The following C4orf50 variants were observed in gnomAD, a reference collection of about 807,000 sequenced individuals.
C4orf50 encodes the protein chromosome 4 open reading frame 50, also known as uncharacterized protein C4orf50.
A neutral mutation model predicts 77.2 loss-of-function variants in C4orf50; 80 were observed. That is an observed-to-expected ratio of 1.04 (90% CI 0.87 to 1.25). C4orf50 has a LOEUF of 1.25. Among genes scored for constraint, C4orf50 ranks in the 50% most tolerant of loss-of-function variants. The pLI, the probability that C4orf50 is intolerant of heterozygous loss-of-function variation, is 0.00. For missense variants in C4orf50, 1,257 were observed against 1,152.9 expected (o/e 1.09, Z -1.31); for synonymous variants, 532 against 465.3 (o/e 1.14, Z -1.84).
chr4:5,977,780 C>A (rs1319511791), intron 29 of C4orf50, among the ~76,000 whole-genome samples: 1 of 152,190 alleles, frequency 6.6e-6, no homozygotes, highest in Non-Finnish European at 1.5e-5. Flanking sequence ...TTGGATTAAA[C>A]CTTCTGTCTG....
exon 28 of C4orf50, chr4:5,988,917 T>C (rs1721074653): frequency 1.3e-6 from 2 of 1,536,080 alleles, no homozygotes; most frequent in Non-Finnish European, 1.7e-6. Flanking sequence ...CCATCGTGTC[T>C]TTGGATTTCC....
At position 6,009,467 on chromosome 4, in the gene C4orf50, G is replaced by C. The variant is rs1181674803; in HGVS notation, c.427-935C>G. Among the ~76,000 whole-genome samples the C allele has an allele frequency of 6.6e-6, 1 of 152,194 alleles. No homozygotes were observed. Among genetic ancestry groups the C allele is most frequent in the Non-Finnish European group, 1.5e-5 (1 of 68,022 alleles). On this transcript the variant is annotated intron_variant, in intron 24 of 33. Coordinates refer to ENST00000531445, the Ensembl canonical transcript of C4orf50. The surrounding 1 kb of genome is among the most constrained non-coding windows in gnomAD (Gnocchi z 5.6). ...CAGACAAGCTTTGTTTGATAGTTTT[G>C]GGGAACGTGGGGCAGATAAAAGTCA...
chr4:5,945,469 T>C (rs1421148705), intron 7 of C4orf50, among the ~76,000 whole-genome samples: 2 of 152,190 alleles, frequency 1.3e-5, no homozygotes, highest in Non-Finnish European at 1.5e-5. Context: ...TCCGATTTCA[T>C]TGACAAACAT....
Position 6,018,224 on chromosome 4 carries a change from T to A in C4orf50, c.208A>T (p.Arg70Trp). 1 of 399,024 alleles carries A rather than the reference T, an allele frequency of 2.5e-6. No homozygotes were observed. Among genetic ancestry groups the A allele is most frequent in the East Asian group, 3.6e-5 (1 of 28,076 alleles). 24.7% of individuals were successfully genotyped at this position (399,024 alleles called of 1,614,324 possible). A position where few individuals can be genotyped will look rare whatever the true frequency, so the allele number is the denominator to read the frequency against. ...TTCTGCTCGGAGGACTCCAGCTGCCTCCTGAGCGCACCCATATCCATGTCT... is the reference window on the plus strand; with the variant it reads ...TTCTGCTCGGAGGACTCCAGCTGCCACCTGAGCGCACCCATATCCATGTCT... The change falls in exon 23 of 34, where the codon AGG (arginine) becomes TGG (tryptophan). Residue 70 changes from arginine (R) to tryptophan (W), a missense_variant. By Grantham distance (101) the Arg-to-Trp change is moderately radical. Transcript: ENST00000531445. This position sits in a 1 kb window ranked among gnomAD's most constrained non-coding sequence, Gnocchi z 5.1.
chr4:6,003,145 A>G (rs965817945), intron 25 of C4orf50, among the ~76,000 whole-genome samples: 1 of 152,104 alleles, frequency 6.6e-6, no homozygotes, highest in Non-Finnish European at 1.5e-5. Flanking sequence ...CAGTTCTCTG[A>G]GTCTCCCCAG....
rs1483044772 is a variant in C4orf50 at position 5,900,242 on chromosome 4, TAGAA to T, written c.*2475-2058_*2475-2055del. ...TCAATAAATTGCTGAGTAAAACAAA[TAGAA>T]AGGACCCCAGCTGTAAAAGGACTTG... On this transcript the variant is annotated intron_variant, in intron 7 of 7. Coordinates refer to the C4orf50 transcript ENST00000324058. The surrounding 1 kb of genome is among the most constrained non-coding windows in gnomAD (Gnocchi z 4.3). 1.3e-5 allele frequency: 2 copies of T among 151,990 alleles called. No homozygotes were observed. The highest frequency in any genetic ancestry group is 2.9e-5 in the Non-Finnish European group (2 of 67,974). The allele number at this position is 151,990 out of a possible 1,614,324, so 9.4% of individuals were successfully genotyped here. A position where few individuals can be genotyped will look rare whatever the true frequency, so the allele number is the denominator to read the frequency against.
intron 33 of C4orf50, among the ~76,000 whole-genome samples, chr4:5,959,871 T>C (rs763418296): frequency 5.3e-5 from 8 of 152,166 alleles, no homozygotes. Context: ...TGAGGCTCCC[T>C]CTCCACGTCA....
chr4:5,990,324 G>T (rs767657634), exon 28 of C4orf50: 43 of 925,452 alleles, frequency 4.6e-5, no homozygotes, highest in Non-Finnish European at 5.8e-5. Flanking sequence ...TGTCACCAAG[G>T]TTTTTCCCCT....
At chr4:5,939,893 G>T (rs1718189625) in intron 7 of C4orf50, among the ~76,000 whole-genome samples, 1 of 152,218 alleles carries the variant, frequency 6.6e-6, no homozygotes, top group Non-Finnish European at 1.5e-5. Context: ...CCATGCAGTG[G>T]TTCTGGCCAG....
At chr4:5,973,066 G>A (rs979164954) in intron 31 of C4orf50, among the ~76,000 whole-genome samples, 2 of 152,238 alleles carry the variant, frequency 1.3e-5, no homozygotes, top group African/African-American at 2.4e-5. Flanking sequence ...GATTCTCAGA[G>A]CCAGGCACTG....
intron 25 of C4orf50, among the ~76,000 whole-genome samples, chr4:6,002,348 C>T (rs1251133209): frequency 6.6e-6 from 1 of 152,198 alleles, no homozygotes; most frequent in Non-Finnish European, 1.5e-5. Flanking sequence ...CCCACTGCCA[C>T]CTTGATTTCC....
chr4:5,977,948 A>G (rs1313314393), intron 29 of C4orf50, among the ~76,000 whole-genome samples: 1 of 152,246 alleles, frequency 6.6e-6, no homozygotes, highest in African/African-American at 2.4e-5. Context: ...TCTAGAACAT[A>G]AAAGGAACTC....
chr4:5,968,854 C>T (rs544193392), intron 31 of C4orf50, among the ~76,000 whole-genome samples: 24 of 152,238 alleles, frequency 1.6e-4, no homozygotes, highest in South Asian at 1.0e-3. Flanking sequence ...TAGCCTCAAG[C>T]GCACTCAACT....
At chr4:5,960,830 A>C (rs1719234777) in intron 33 of C4orf50, among the ~76,000 whole-genome samples, 1 of 152,208 alleles carries the variant, frequency 6.6e-6, no homozygotes, top group South Asian at 2.1e-4. Flanking sequence ...TAATGTGCGC[A>C]TCAGGAGTCT....
intron 7 of C4orf50, among the ~76,000 whole-genome samples, chr4:5,917,744 T>C (rs916808063): frequency 1.3e-5 from 2 of 152,100 alleles, no homozygotes; most frequent in African/African-American, 2.4e-5. Flanking sequence ...TGTTTCTTTC[T>C]TGAGCCTTGA....
chr4:6,003,807 A>G (rs925090200), intron 25 of C4orf50, among the ~76,000 whole-genome samples: 12 of 79,488 alleles, frequency 1.5e-4, no homozygotes, highest in Non-Finnish European at 3.0e-4. Flanking sequence ...GGTGATGGTG[A>G]TGATGGTGAT....
chr4:5,908,559 A>ACC lies in C4orf50; in HGVS notation c.*2475-10373_*2475-10372dup, dbSNP rs1203805067. On this transcript the variant is annotated intron_variant, in intron 7 of 7. Coordinates refer to the C4orf50 transcript ENST00000324058. This position sits in a 1 kb window ranked among gnomAD's most constrained non-coding sequence, Gnocchi z 5.6. ...GGCAGAGACTCCAAGCAGGGAGACGACCATGCGATGGGGAGGGGGGAAAGC... is the reference window on the plus strand; with the variant it reads ...GGCAGAGACTCCAAGCAGGGAGACGACCCCATGCGATGGGGAGGGGGGAAAGC... Among the ~76,000 whole-genome samples the ACC allele has an allele frequency of 1.3e-5, 2 of 152,044 alleles. No homozygotes were observed. Among genetic ancestry groups the ACC allele is most frequent in the Non-Finnish European group, 2.9e-5 (2 of 68,018 alleles).
chr4:5,904,470 G>A (rs1385035112), intron 7 of C4orf50: 1 of 152,268 alleles, frequency 6.6e-6, no homozygotes, highest in Non-Finnish European at 1.5e-5. Flanking sequence ...GGGTGTGGAA[G>A]CTTCCTGTCT....
exon 28 of C4orf50, chr4:5,989,557 G>A (rs1224216952): frequency 1.3e-6 from 2 of 1,535,986 alleles, no homozygotes; most frequent in Non-Finnish European, 1.7e-6. Flanking sequence ...TGCAGAGGCT[G>A]AGCACTGCCA....
Sources: allele counts gnomAD v4.1 joint callset (sites outside exome capture counted in the v4.1 genomes callset), GRCh38; gene constraint gnomAD v4.1.1; non-coding constraint Gnocchi (gnomAD v3.1); transcripts MANE v1.5; gene names NCBI Gene and HGNC (gene_info 2026-07-23, HGNC 2026-07-21).